The following RSRC1 variants were observed in gnomAD, a reference collection of about 807,000 sequenced individuals.
RSRC1 encodes serine/Arginine-related protein 53.
A neutral mutation model predicts 49.1 loss-of-function variants in RSRC1; 39 were observed. That is an observed-to-expected ratio of 0.79 (90% confidence interval 0.61 to 1.04). The LOEUF (loss-of-function observed/expected upper bound fraction) is 1.04. Ranked by LOEUF, RSRC1 falls within the 50% of genes least tolerant of loss-of-function variation. RSRC1 has a pLI of 0.00. For missense variants in RSRC1, 388 were observed against 402.4 expected, an observed-to-expected ratio of 0.96 and a Z score of 0.31; for synonymous variants, 143 against 130.8, an observed-to-expected ratio of 1.09 and a Z score of -0.63.
chr3:158,420,748 A>G (rs1489741805), intron 6 of RSRC1, among the ~76,000 whole-genome samples: 1 of 151,932 alleles, frequency 6.6e-6, no homozygotes, highest in Non-Finnish European at 1.5e-5. Context: ...TGGAAATGTC[A>G]TTCAGAATAA....
At chr3:158,520,035 G>T (rs1416490077) in intron 7 of RSRC1, among the ~76,000 whole-genome samples, 1 of 152,146 alleles carries the variant, frequency 6.6e-6, no homozygotes, top group African/African-American at 2.4e-5. Context: ...TCTGTTGAAT[G>T]ACGGACTGGA....
chr3:158,452,832 G>A (rs1382362067), intron 6 of RSRC1, among the ~76,000 whole-genome samples: 4 of 152,048 alleles, frequency 2.6e-5, no homozygotes, highest in Non-Finnish European at 5.9e-5. Flanking sequence ...TTTAAATACA[G>A]GTAATAAAGT....
At chr3:158,139,506 A>C (rs2108193791) in intron 3 of RSRC1, among the ~76,000 whole-genome samples, 1 of 152,308 alleles carries the variant, frequency 6.6e-6, no homozygotes, top group South Asian at 2.1e-4. Flanking sequence ...GAAACTGCAT[A>C]TTAAATTGTA....
At chr3:158,498,408 C>T (rs550111540) in intron 7 of RSRC1, among the ~76,000 whole-genome samples, 2 of 151,958 alleles carry the variant, frequency 1.3e-5, no homozygotes, top group Admixed American at 1.3e-4. Context: ...TTTTTGATGG[C>T]ATTGTTTTGT....
At chr3:158,310,335 A>G (rs904745661) in intron 5 of RSRC1, among the ~76,000 whole-genome samples, 4 of 151,732 alleles carry the variant, frequency 2.6e-5, no homozygotes, top group African/African-American at 9.7e-5. Context: ...ATTGCTTTCA[A>G]CTTTTGGGGA....
rs903343992 is a variant in RSRC1 at position 158,358,732 on chromosome 3, C to A, written c.583+3824C>A. On this transcript the variant is annotated intron_variant, in intron 6 of 9. Transcript: ENST00000611884. Reference sequence around the variant, plus strand: ...CATTGCAATCACTCCAGAGTGAAACCGCTTACCTACTAGCAGTTTCTCCCC... The same window carrying A: ...CATTGCAATCACTCCAGAGTGAAACAGCTTACCTACTAGCAGTTTCTCCCC... Among the ~76,000 whole-genome samples, 9 of 152,124 alleles carry A rather than the reference C, an allele frequency of 5.9e-5. No individual in the cohort carries two copies. In the South Asian group the frequency reaches 1.9e-3, roughly 32 times the overall value.
At chr3:158,462,131 A>G (rs977561409) in intron 7 of RSRC1, among the ~76,000 whole-genome samples, 1 of 151,764 alleles carries the variant, frequency 6.6e-6, no homozygotes, top group Admixed American at 6.6e-5. Context: ...TCCTGGCTTT[A>G]TGCTCTTTTC....
chr3:158,421,731 A>T (rs181695553), intron 6 of RSRC1, among the ~76,000 whole-genome samples: 27 of 152,026 alleles, frequency 1.8e-4, no homozygotes, highest in African/African-American at 6.5e-4. Context: ...AGAAACCATC[A>T]TGTACAAACA....
intron 3 of RSRC1, among the ~76,000 whole-genome samples, chr3:158,143,977 T>A (rs115096639): frequency 0.025 from 3,864 of 152,286 alleles, 148 homozygotes; most frequent in African/African-American, 0.089. Context: ...TCTATATTAT[T>A]TCCTGGTATT....
At chr3:158,427,513 A>G (rs1735516507) in intron 6 of RSRC1, among the ~76,000 whole-genome samples, 1 of 151,852 alleles carries the variant, frequency 6.6e-6, no homozygotes, top group Admixed American at 6.6e-5. Flanking sequence ...AACCTTAAGT[A>G]TAATAATCAG....
chr3:158,297,820 CTG>C (rs1349276647), intron 4 of RSRC1, among the ~76,000 whole-genome samples: 1 of 151,828 alleles, frequency 6.6e-6, no homozygotes, highest in African/African-American at 2.4e-5. Flanking sequence ...TTTGAAAAAT[CTG>C]AAACTTTTTT....
chr3:158,488,937 T>C (rs1293528897), intron 7 of RSRC1, among the ~76,000 whole-genome samples: 1 of 152,226 alleles, frequency 6.6e-6, no homozygotes, highest in Non-Finnish European at 1.5e-5. Flanking sequence ...ATTAAAATGC[T>C]CTCAGGTTTA....
chr3:158,346,869 A>T (rs1730580926), intron 5 of RSRC1, among the ~76,000 whole-genome samples: 1 of 152,222 alleles, frequency 6.6e-6, no homozygotes, highest in Admixed American at 6.5e-5. Flanking sequence ...TTGAACATTT[A>T]TTGATAGTTG....
chr3:158,146,468 A>G (rs1483844090), intron 3 of RSRC1, among the ~76,000 whole-genome samples: 1 of 152,164 alleles, frequency 6.6e-6, no homozygotes, highest in Non-Finnish European at 1.5e-5. Context: ...CTTGCATCCC[A>G]GGGATGAAGC....
At chr3:158,446,263 A>G (rs1345322124) in intron 6 of RSRC1, among the ~76,000 whole-genome samples, 1 of 141,522 alleles carries the variant, frequency 7.1e-6, no homozygotes, top group Non-Finnish European at 1.5e-5. Context: ...TTCTGCTTTT[A>G]TTTTCTGATG....
intron 1 of RSRC1, among the ~76,000 whole-genome samples, chr3:158,117,851 T>A (rs976020474): frequency 8.6e-5 from 13 of 151,432 alleles, no homozygotes; most frequent in African/African-American, 3.2e-4. Context: ...TCCAGATTGA[T>A]CCTCTTCTGT....
chr3:158,544,553 G>A lies in RSRC1; in HGVS notation c.*278G>A, dbSNP rs144817510. On this transcript the variant is annotated 3_prime_UTR_variant, in exon 10 of 10. Coordinates refer to ENST00000611884, the MANE Select transcript of RSRC1 (RefSeq NM_001271838.2). ...CTGTTAAAATGAATGGTAGACACTA[G>A]TGTTTCTTAGTGCAATTCAAAAAAT... is the stretch of plus-strand genomic sequence containing the variant. 1 of 213,816 alleles carries A rather than the reference G, an allele frequency of 4.7e-6. No individual in the cohort carries two copies. The highest frequency in any genetic ancestry group is 5.6e-5 in the Admixed American group (1 of 18,000). The allele number at this position is 213,816 out of a possible 1,614,324, so 13.2% of individuals were successfully genotyped here. A position where few individuals can be genotyped will look rare whatever the true frequency, so the allele number is the denominator to read the frequency against.
At chr3:158,379,595 TCTC>T (rs900805991) in intron 6 of RSRC1, among the ~76,000 whole-genome samples, 2 of 152,008 alleles carry the variant, frequency 1.3e-5, no homozygotes, top group South Asian at 2.1e-4. Context: ...CATCTCCTGT[TCTC>T]CTCACTCAAT....
chr3:158,206,260 C>T (rs1046958846), intron 4 of RSRC1, among the ~76,000 whole-genome samples: 5 of 152,148 alleles, frequency 3.3e-5, no homozygotes, highest in African/African-American at 1.2e-4. Flanking sequence ...AGATATTTCC[C>T]TCCATAAACT....
Sources: gnomAD v4.1 joint callset for allele counts (sites outside exome capture counted in the v4.1 genomes callset) on GRCh38, gnomAD v4.1.1 for gene constraint, MANE v1.5 for transcripts, NCBI Gene and HGNC (gene_info 2026-07-23, HGNC 2026-07-21) for gene names.